Variants in ARHGAP21 observed in about 807,000 individuals in gnomAD.
ARHGAP21 encodes Rho GTPase activating protein 21.
A neutral mutation model predicts 164.6 loss-of-function variants in ARHGAP21; 38 were observed. The ratio of observed to expected loss-of-function variants is 0.23; its 90% CI spans 0.18 to 0.30. ARHGAP21 has a LOEUF of 0.30. ARHGAP21 is among the 10% of genes least tolerant of loss of function. ARHGAP21 has a pLI of 1.00. For missense variants in ARHGAP21, 1,822 were observed against 2,370.7 expected, an observed-to-expected ratio of 0.77 and a Z score of 4.81; for synonymous variants, 766 against 857.9, an observed-to-expected ratio of 0.89 and a Z score of 1.87.
At position 24,584,986 on chromosome 10, in the gene ARHGAP21, C is replaced by T. The variant is rs768480187; in HGVS notation, c.5303G>A (p.Arg1768Gln). The T allele has an allele frequency of 1.4e-4, 226 of 1,613,830 alleles. No homozygotes were observed. The highest frequency in any genetic ancestry group is 1.8e-4 in the Non-Finnish European group (214 of 1,179,876). ...EPTWKTKIAD[R>Q]LKLRPRAPAD... Reference sequence around the variant, plus strand: ...AGGGGCTCTGGGTCTCAGTTTTAACCGATCTGCTATTTTCGTTTTCCATGT... The same window carrying T: ...AGGGGCTCTGGGTCTCAGTTTTAACTGATCTGCTATTTTCGTTTTCCATGT... The change falls in exon 26 of 26, where the codon CGG becomes CAG. Residue 1768 changes from arginine to glutamine, a missense_variant. Physicochemically the swap from Arg to Gln is conservative, Grantham distance 43. Around this residue, in one of 5 missense-constraint regions of ARHGAP21, gnomAD observed 117 missense variants for 193.2 expected, o/e 0.61. Transcript: ENST00000396432.
Position 24,598,026 on chromosome 10 carries a change from A to G in ARHGAP21, c.3133-17T>C. The G allele has an allele frequency of 5.7e-6, 9 of 1,591,038 alleles. No homozygotes were observed. Among genetic ancestry groups the G allele is most frequent in the Non-Finnish European group, 7.7e-6 (9 of 1,163,942 alleles). Reference sequence around the variant, plus strand: ...TCCAGTGTCCTACAGAATAAAGTAAAATTAGAAAATCAATTCTAAACATAA... The same window carrying G: ...TCCAGTGTCCTACAGAATAAAGTAAGATTAGAAAATCAATTCTAAACATAA... On this transcript the variant is annotated splice_polypyrimidine_tract_variant and intron_variant, in intron 14 of 25. Transcript: ENST00000396432.
At chr10:24,676,505 A>G (rs1045086892) in intron 2 of ARHGAP21, among the ~76,000 whole-genome samples, 6 of 152,288 alleles carry the variant, frequency 3.9e-5, no homozygotes, top group Admixed American at 3.9e-4. Flanking sequence ...GGACATACAG[A>G]GGGGAAAAAT....
chr10:24,585,354 G>A lies in ARHGAP21; in HGVS notation c.4935C>T (p.Pro1645=). Residue 1645 remains proline (P), a synonymous_variant, in exon 26 of 26, where the codon CCC becomes CCT. Transcript: ENST00000396432. ...AAAGCCTCTCTGAAGTCAAGGCTGTGGGGAACACGGGAAACTCGCTCTCGC... is the reference window on the plus strand; with the variant it reads ...AAAGCCTCTCTGAAGTCAAGGCTGTAGGGAACACGGGAAACTCGCTCTCGC... The part of the protein sequence containing the change: ...TDSESEFPVF[P]TALTSERLFR... 1 of 1,613,560 alleles carries A rather than the reference G, an allele frequency of 6.2e-7. No homozygotes were observed. Among genetic ancestry groups the A allele is most frequent in the East Asian group, 2.2e-5 (1 of 44,858 alleles).
intron 4 of ARHGAP21, among the ~76,000 whole-genome samples, chr10:24,650,194 G>C (rs1422303975): frequency 6.6e-6 from 1 of 152,074 alleles, no homozygotes; most frequent in Non-Finnish European, 1.5e-5. Context: ...AAAGGAGAGA[G>C]AATTACATCA....
rs373172748 is a variant in ARHGAP21 at position 24,648,169 on chromosome 10, C to T, written c.269-13066G>A. ...ATTCTAATGCTCAGTCTTTGCCTCTCGTTTCTCTATTTGCCTTCATTAGGT... is the reference window on the plus strand; with the variant it reads ...ATTCTAATGCTCAGTCTTTGCCTCTTGTTTCTCTATTTGCCTTCATTAGGT... On this transcript the variant is annotated intron_variant, in intron 4 of 25. Transcript: ENST00000396432. Among the ~76,000 whole-genome samples, 40 of 152,222 alleles carry T rather than the reference C, an allele frequency of 2.6e-4. No individual in the cohort carries two copies. The East Asian group carries it at 4.5e-3, about 17-fold the overall frequency.
intron 7 of ARHGAP21, 53 bp from the exon 8 acceptor site, chr10:24,622,815 A>C: frequency 6.4e-7 from 1 of 1,552,102 alleles, no homozygotes; most frequent in Admixed American, 1.9e-5. Flanking sequence ...ATAAAGACAA[A>C]ATCATGTTGT....
At chr10:24,700,909 C>A (rs1020229326) in intron 2 of ARHGAP21, among the ~76,000 whole-genome samples, 1 of 152,182 alleles carries the variant, frequency 6.6e-6, no homozygotes, top group African/African-American at 2.4e-5. Flanking sequence ...ACCAGAACAT[C>A]CGCATTTCTT....
At chr10:24,719,118 CA>C (rs1845675989) in intron 2 of ARHGAP21, among the ~76,000 whole-genome samples, 2 of 151,880 alleles carry the variant, frequency 1.3e-5, no homozygotes, top group African/African-American at 4.8e-5. Flanking sequence ...CACACACACA[CA>C]CACACACACA....
At chr10:24,669,822 ATTG>A (rs1178208093) in intron 3 of ARHGAP21, among the ~76,000 whole-genome samples, 1 of 152,232 alleles carries the variant, frequency 6.6e-6, no homozygotes, top group African/African-American at 2.4e-5. Context: ...AAAGTTAAGT[ATTG>A]TTCTAATTCT....
intron 4 of ARHGAP21, among the ~76,000 whole-genome samples, chr10:24,659,552 T>C (rs1025298338): frequency 6.6e-6 from 1 of 152,186 alleles, no homozygotes; most frequent in South Asian, 2.1e-4. Flanking sequence ...CAACCTCAGG[T>C]GATCTGCCCA....
intron 2 of ARHGAP21, among the ~76,000 whole-genome samples, chr10:24,712,601 G>T (rs886125435): frequency 2.6e-5 from 4 of 152,058 alleles, no homozygotes; most frequent in Non-Finnish European, 5.9e-5. Context: ...CTCTGTACTT[G>T]TTCAGCACAG....
intron 7 of ARHGAP21, chr10:24,628,951 A>AATAT (rs1565054254): frequency 9.0e-5 from 4 of 44,334 alleles, no homozygotes; most frequent in African/African-American, 4.2e-4. Context: ...ACACACACAC[A>AATAT]CTATATATAT....
chr10:24,706,237 G>T (rs965714962), intron 2 of ARHGAP21, among the ~76,000 whole-genome samples: 6 of 152,098 alleles, frequency 3.9e-5, no homozygotes, highest in Admixed American at 3.3e-4. Context: ...CCACTTTTAA[G>T]TAATTCATTC....
Position 24,595,730 on chromosome 10 carries a change from A to G in ARHGAP21, c.3699T>C (p.Pro1233=), listed in dbSNP as rs1204067451. 6.2e-7 allele frequency: 1 copy of G among 1,612,926 alleles called. No individual in the cohort carries two copies. The highest frequency in any genetic ancestry group is 8.5e-7 in the Non-Finnish European group (1 of 1,179,448). ...LKSFFRKLPE[P]LFTNDKYADF... ...GAGTTAACTCACCATTTGTGAAGAG[A>G]GGCTCAGGGAGTTTTCTGAAGAAGG... The change falls in exon 19 of 26, where the codon CCT becomes CCC. Residue 1233 remains proline (P), a synonymous_variant. Transcript: ENST00000396432.
At chr10:24,610,989 C>T (rs1411771837) in intron 9 of ARHGAP21, among the ~76,000 whole-genome samples, 2 of 152,176 alleles carry the variant, frequency 1.3e-5, no homozygotes, top group Non-Finnish European at 2.9e-5. Context: ...ACTGTTTTTT[C>T]ATCTCATAAA....
chr10:24,677,883 GAATAA>G (rs1436068803), intron 2 of ARHGAP21, among the ~76,000 whole-genome samples: 1 of 152,164 alleles, frequency 6.6e-6, no homozygotes, highest in Non-Finnish European at 1.5e-5. Context: ...ATACACGGAT[GAATAA>G]AATAGTCATT....
At chr10:24,697,868 T>TA (rs1251200488) in intron 2 of ARHGAP21, among the ~76,000 whole-genome samples, 2 of 149,916 alleles carry the variant, frequency 1.3e-5, no homozygotes, top group East Asian at 3.9e-4. Context: ...CTCAAAAAAA[T>TA]AAAAAAATAA....
At chr10:24,586,505 A>C (rs944450728) in intron 25 of ARHGAP21, among the ~76,000 whole-genome samples, 2 of 152,234 alleles carry the variant, frequency 1.3e-5, no homozygotes, top group African/African-American at 4.8e-5. Context: ...TGACACGGTC[A>C]AACATCATAT....
At chr10:24,663,676 G>A (rs924326512) in intron 4 of ARHGAP21, among the ~76,000 whole-genome samples, 1 of 152,110 alleles carries the variant, frequency 6.6e-6, no homozygotes, top group African/African-American at 2.4e-5. Context: ...TTAGAAGCGT[G>A]CATCCCCACC....
Sources: gnomAD v4.1 joint callset for allele counts (sites outside exome capture counted in the v4.1 genomes callset) on GRCh38, gnomAD v4.1.1 for gene constraint, gnomAD v4.1.1 regional missense constraint, MANE v1.5 for transcripts, NCBI Gene and HGNC (gene_info 2026-07-23, HGNC 2026-07-21) for gene names.